Variants in NRG1 observed in about 807,000 individuals in gnomAD.
NRG1 encodes the protein pro-neuregulin-1, membrane-bound isoform.
Under a neutral mutation model 63.8 loss-of-function variants are expected in NRG1, and 18 were observed. That is an observed-to-expected ratio of 0.28 (90% confidence interval 0.19 to 0.42). The LOEUF is 0.42. Ranked by LOEUF, NRG1 falls within the 10% of genes least tolerant of loss-of-function variation. The pLI, the probability that NRG1 is intolerant of heterozygous loss-of-function variation, is 1.00. For missense variants in NRG1, 762 were observed against 814.7 expected (o/e 0.94, Z 0.79); for synonymous variants, 302 against 301.3 (o/e 1.00, Z -0.02).
chr8:32,717,633 G>A (rs760556490), intron 5 of NRG1, among the ~76,000 whole-genome samples: 1 of 152,100 alleles, frequency 6.6e-6, no homozygotes, highest in Non-Finnish European at 1.5e-5. Flanking sequence ...GGAAAATGTT[G>A]TGTTTGTGGA....
chr8:32,249,910 G>A (rs747767734), intron 1 of NRG1, among the ~76,000 whole-genome samples: 11 of 152,032 alleles, frequency 7.2e-5, no homozygotes, highest in Non-Finnish European at 1.6e-4. Flanking sequence ...AAGGGGGTCT[G>A]GGGTTCTATA....
chr8:32,624,317 G>A (rs775167997), intron 5 of NRG1, among the ~76,000 whole-genome samples: 2 of 152,176 alleles, frequency 1.3e-5, no homozygotes, highest in Non-Finnish European at 2.9e-5. Flanking sequence ...CCACTGCTGT[G>A]TGTGTTGGGG....
intron 1 of NRG1, among the ~76,000 whole-genome samples, chr8:31,657,841 T>C (rs1017352831): frequency 6.6e-6 from 1 of 152,216 alleles, no homozygotes; most frequent in Non-Finnish European, 1.5e-5. Flanking sequence ...GCAGAACCTT[T>C]ATTTGCCTCC....
intron 1 of NRG1, among the ~76,000 whole-genome samples, chr8:32,468,891 A>G (rs1161633516): frequency 6.6e-6 from 1 of 152,140 alleles, no homozygotes; most frequent in East Asian, 1.9e-4. Context: ...TGAACAAGGG[A>G]TTGAAGCCAT....
At chr8:32,144,773 A>G (rs1466375703) in intron 1 of NRG1, among the ~76,000 whole-genome samples, 3 of 152,148 alleles carry the variant, frequency 2.0e-5, no homozygotes, top group Non-Finnish European at 2.9e-5. Context: ...TACAAGCACA[A>G]GTGAAAATAA....
At chr8:32,602,644 G>A (rs1411104137) in intron 2 of NRG1, among the ~76,000 whole-genome samples, 4 of 152,114 alleles carry the variant, frequency 2.6e-5, no homozygotes, top group Non-Finnish European at 5.9e-5. Flanking sequence ...TACTCCTTCT[G>A]TGGCATTGAA....
At chr8:32,721,895 C>G in intron 5 of NRG1, 2 of 1,437,216 alleles carry the variant, frequency 1.4e-6, no homozygotes, top group South Asian at 3.2e-5. Context: ...CATTTTTTTC[C>G]CCAGTAGGAG....
chr8:31,984,861 A>C (rs1192224108), intron 1 of NRG1, among the ~76,000 whole-genome samples: 1 of 152,102 alleles, frequency 6.6e-6, no homozygotes, highest in African/African-American at 2.4e-5. Context: ...AGAATTTTGA[A>C]TCTTTGCAGC....
At chr8:31,756,846 G>A (rs922433522) in intron 1 of NRG1, among the ~76,000 whole-genome samples, 3 of 152,120 alleles carry the variant, frequency 2.0e-5, no homozygotes, top group East Asian at 1.9e-4. Context: ...CTTCCATCTT[G>A]TTGCTTTGTT....
At chr8:32,218,191 G>A (rs1358919859) in intron 1 of NRG1, among the ~76,000 whole-genome samples, 1 of 152,158 alleles carries the variant, frequency 6.6e-6, no homozygotes, top group African/African-American at 2.4e-5. Context: ...TGTGCATAGT[G>A]AGCTGTAATG....
intron 1 of NRG1, among the ~76,000 whole-genome samples, chr8:32,246,506 G>C (rs1219187288): frequency 6.6e-6 from 1 of 152,188 alleles, no homozygotes; most frequent in Non-Finnish European, 1.5e-5. Context: ...ACCTGGCATA[G>C]AGCTTTGCCA....
At chr8:32,554,384 A>T (rs1834712459) in intron 1 of NRG1, among the ~76,000 whole-genome samples, 1 of 152,202 alleles carries the variant, frequency 6.6e-6, no homozygotes. Flanking sequence ...CTTTAGAAAA[A>T]GTGAGGTGTT....
intron 1 of NRG1, among the ~76,000 whole-genome samples, chr8:32,505,587 G>A (rs1232444524): frequency 6.6e-6 from 1 of 152,180 alleles, no homozygotes; most frequent in Non-Finnish European, 1.5e-5. Flanking sequence ...CTGCCCTCAT[G>A]ATGGAAAGTC....
chr8:32,105,287 A>G (rs1831118523), intron 1 of NRG1, among the ~76,000 whole-genome samples: 5 of 152,168 alleles, frequency 3.3e-5, no homozygotes, highest in Non-Finnish European at 1.5e-5. Flanking sequence ...TATACCTGAC[A>G]CTGGGCAATT....
At chr8:32,070,207 G>C (rs1334462964) in intron 1 of NRG1, among the ~76,000 whole-genome samples, 1 of 152,136 alleles carries the variant, frequency 6.6e-6, no homozygotes, top group Non-Finnish European at 1.5e-5. Context: ...AGTCAGAGCG[G>C]TACAAAATCT....
chr8:32,082,083 C>T (rs1268712851), intron 1 of NRG1, among the ~76,000 whole-genome samples: 2 of 151,972 alleles, frequency 1.3e-5, no homozygotes, highest in Non-Finnish European at 2.9e-5. Context: ...TAATTAAGAT[C>T]TTGTTGAAGA....
At position 31,735,973 on chromosome 8, in the gene NRG1, A is replaced by G. The variant is rs545477308; in HGVS notation, c.37+96542A>G. ...ACCTCACATCTGTCCTTTTCTTGCC[A>G]TTTTATCCTTTATTCATTAGCCAGA... On this transcript the variant is annotated intron_variant, in intron 1 of 10. Coordinates refer to the NRG1 transcript ENST00000519301. Among the ~76,000 whole-genome samples the G allele has an allele frequency of 2.0e-5, 3 of 152,152 alleles. No homozygotes were observed. In the South Asian group the frequency reaches 6.2e-4, roughly 32 times the overall value.
chr8:31,745,698 CTG>C (rs1253711512), intron 1 of NRG1, among the ~76,000 whole-genome samples: 1 of 151,860 alleles, frequency 6.6e-6, no homozygotes, highest in Admixed American at 6.6e-5. Context: ...CATTGAGACT[CTG>C]TGATGATACC....
In NRG1 at chr8:32,034,224, T is replaced by C. The variant is rs971859201; in HGVS notation, c.37+394793T>C. On this transcript the variant is annotated intron_variant, in intron 1 of 10. Coordinates refer to the NRG1 transcript ENST00000519301. Reference sequence around the variant, plus strand: ...TGAAATAATCATGTGGTTTTTGTCATTGGTTCTGTTTATGTGATGAATTAT... The same window carrying C: ...TGAAATAATCATGTGGTTTTTGTCACTGGTTCTGTTTATGTGATGAATTAT... 3.3e-5 allele frequency among the ~76,000 whole-genome samples: 5 copies of C among 152,198 alleles called. 1 individual carries two copies. Among genetic ancestry groups the C allele is most frequent in the Admixed American group, 2.0e-4 (3 of 15,288 alleles).
Sources: allele counts gnomAD v4.1 joint callset (sites outside exome capture counted in the v4.1 genomes callset), GRCh38; gene constraint gnomAD v4.1.1; transcripts MANE v1.5; gene names NCBI Gene and HGNC (gene_info 2026-07-23, HGNC 2026-07-21).